The following TRHDE variants were observed in gnomAD, a reference collection of about 807,000 sequenced individuals.
TRHDE encodes thyrotropin releasing hormone degrading enzyme.
Under a neutral mutation model 125.7 loss-of-function variants are expected in TRHDE, and 72 were observed. The observed-to-expected ratio is 0.57, with a 90% CI of 0.47 to 0.70. The LOEUF is 0.70. Among genes scored for constraint, TRHDE ranks in the 30% least tolerant of loss-of-function variants. The pLI, the probability that TRHDE is intolerant of heterozygous loss-of-function variation, is 0.00. For missense variants in TRHDE, 1,110 were observed against 1,327.1 expected, an observed-to-expected ratio of 0.84 and a Z score of 2.54; for synonymous variants, 509 against 509.1, an observed-to-expected ratio of 1.00 and a Z score of 0.00.
intron 2 of TRHDE, among the ~76,000 whole-genome samples, chr12:72,154,155 C>G (rs1269953584): frequency 6.6e-6 from 1 of 152,034 alleles, no homozygotes; most frequent in Non-Finnish European, 1.5e-5. Flanking sequence ...ATGTAATGGC[C>G]TTCTTTGTCT....
intron 2 of TRHDE, among the ~76,000 whole-genome samples, chr12:72,203,467 C>CA (rs1444771332): frequency 1.0e-4 from 15 of 149,182 alleles, no homozygotes; most frequent in South Asian, 6.4e-4. Context: ...GACTCTGTCT[C>CA]AAAAAAAATA....
At position 72,272,624 on chromosome 12, in the gene TRHDE, G is replaced by T. The variant is rs1373169678; in HGVS notation, c.-20G>T. 5 of 885,548 alleles carry T rather than the reference G, an allele frequency of 5.6e-6. No homozygotes were observed. The highest frequency in any genetic ancestry group is 6.5e-6 in the Non-Finnish European group (4 of 611,996). The allele number at this position is 885,548 out of a possible 1,614,324, so 54.9% of individuals were successfully genotyped here. A position where few individuals can be genotyped will look rare whatever the true frequency, so the allele number is the denominator to read the frequency against. ...GCGGGGGGTGCCAGAGGGGGCGGGG[G>T]AGGAGGAGGAGGCGGTGTGATGGCC... is the stretch of plus-strand genomic sequence containing the variant. On this transcript the variant is annotated 5_prime_UTR_variant, in exon 1 of 19. The change creates a premature stop within an existing upstream ORF in the 5' untranslated region. Coordinates refer to ENST00000261180, the MANE Select transcript of TRHDE (RefSeq NM_013381.3). The surrounding 1 kb of genome is among the most constrained non-coding windows in gnomAD (Gnocchi z 6.7).
In TRHDE at chr12:72,663,400, G is replaced by A. The variant is rs1175731362; in HGVS notation, c.*205G>A. On this transcript the variant is annotated 3_prime_UTR_variant, in exon 19 of 19. Transcript: ENST00000261180. Reference sequence around the variant, plus strand: ...TCATTCTGTTCTGTTTCTCTACTGGGTGTTCCTCTCTAAAGAAACTCTTGC... The same window carrying A: ...TCATTCTGTTCTGTTTCTCTACTGGATGTTCCTCTCTAAAGAAACTCTTGC... 1.3e-5 allele frequency: 5 copies of A among 399,872 alleles called. No individual in the cohort carries two copies. Among genetic ancestry groups the A allele is most frequent in the Non-Finnish European group, 2.2e-5 (5 of 225,980 alleles). The allele number at this position is 399,872 out of a possible 1,614,324, so 24.8% of individuals were successfully genotyped here.
intron 2 of TRHDE, among the ~76,000 whole-genome samples, chr12:72,117,127 C>T (rs1224527462): frequency 6.6e-6 from 1 of 151,822 alleles, no homozygotes; most frequent in African/African-American, 2.4e-5. Flanking sequence ...CATTGGTTGC[C>T]TGTGCTTGTA....
chr12:72,636,728 T>C (rs1450479019), intron 15 of TRHDE, among the ~76,000 whole-genome samples: 1 of 152,258 alleles, frequency 6.6e-6, no homozygotes, highest in Non-Finnish European at 1.5e-5. Context: ...TGTTGAATTT[T>C]GTCAAAGGCC....
rs560512511 is a variant in TRHDE at position 72,486,476 on chromosome 12, A to G, written c.1585-13022A>G. ...AAGGATCCCTAAAGCCCTTGCACTA[A>G]TAACCTATGCAGCCACCATCACTTC... On this transcript the variant is annotated intron_variant, in intron 5 of 18. Coordinates refer to ENST00000261180, the MANE Select transcript of TRHDE (RefSeq NM_013381.3). Among the ~76,000 whole-genome samples, 450 of 152,304 alleles carry G rather than the reference A, an allele frequency of 3.0e-3. 2 individuals carry two copies. Among genetic ancestry groups the G allele is most frequent in the Non-Finnish European group, 4.9e-3 (332 of 68,022 alleles).
At chr12:72,597,758 T>TAC (rs1565804834) in intron 12 of TRHDE, among the ~76,000 whole-genome samples, 899 of 20,188 alleles carry the variant, frequency 0.045, 30 homozygotes, top group Non-Finnish European at 0.046. Context: ...TATATATATA[T>TAC]GCATACACAC....
intron 3 of TRHDE, among the ~76,000 whole-genome samples, chr12:72,446,140 T>C (rs944402586): frequency 6.8e-6 from 1 of 146,654 alleles, no homozygotes; most frequent in Non-Finnish European, 1.5e-5. Flanking sequence ...TGGGGCCCGA[T>C]TGTGCATTTC....
chr12:72,305,788 AGAG>A (rs1345904297), intron 2 of TRHDE, among the ~76,000 whole-genome samples: 5 of 152,326 alleles, frequency 3.3e-5, no homozygotes, highest in African/African-American at 9.6e-5. Flanking sequence ...CAGTCTGAAA[AGAG>A]GAGATCATTT....
chr12:72,195,470 G>T (rs1353880351), intron 2 of TRHDE, among the ~76,000 whole-genome samples: 4 of 151,986 alleles, frequency 2.6e-5, no homozygotes, highest in African/African-American at 9.7e-5. Flanking sequence ...GTATCTCATT[G>T]TGGTTTTGCT....
intron 10 of TRHDE, among the ~76,000 whole-genome samples, chr12:72,574,909 G>C (rs10506658): frequency 0.27 from 40,442 of 151,928 alleles, 8,118 homozygotes; most frequent in African/African-American, 0.54. Flanking sequence ...TCATTCTAGT[G>C]TCATATCCCC....
At chr12:72,224,878 T>A (rs1878092980) in intron 2 of TRHDE, among the ~76,000 whole-genome samples, 2 of 152,172 alleles carry the variant, frequency 1.3e-5, no homozygotes, top group African/African-American at 4.8e-5. Flanking sequence ...ACATTTTAAA[T>A]AATCTTAACC....
rs1873949913 is a variant in TRHDE at position 72,421,459 on chromosome 12, TA to T, written c.1315+43340del. 3.3e-5 allele frequency among the ~76,000 whole-genome samples: 5 copies of T among 152,290 alleles called. No homozygotes were observed. In the South Asian group the frequency reaches 1.0e-3, roughly 32 times the overall value. On this transcript the variant is annotated intron_variant, in intron 3 of 18. Coordinates refer to ENST00000261180, the MANE Select transcript of TRHDE (RefSeq NM_013381.3). ...ACAGCATGGCAACTAGTTCTATAGGTAATGGCCAGAGAAGAAGCACAGAGAA... is the reference window on the plus strand; with the variant it reads ...ACAGCATGGCAACTAGTTCTATAGGTATGGCCAGAGAAGAAGCACAGAGAA...
intron 2 of TRHDE, among the ~76,000 whole-genome samples, chr12:72,149,251 G>A (rs1010388180): frequency 6.6e-6 from 1 of 152,232 alleles, no homozygotes; most frequent in Admixed American, 6.5e-5. Context: ...GGTATGTGAT[G>A]CGTACTAAGT....
intron 6 of TRHDE, among the ~76,000 whole-genome samples, chr12:72,520,245 T>G (rs1231530418): frequency 1.3e-5 from 2 of 152,232 alleles, no homozygotes; most frequent in African/African-American, 4.8e-5. Flanking sequence ...CCAGTCTCGC[T>G]GCTGCCTTGC....
At chr12:72,454,330 GCTGT>G (rs745446706) in intron 3 of TRHDE, among the ~76,000 whole-genome samples, 19 of 152,124 alleles carry the variant, frequency 1.2e-4, no homozygotes, top group African/African-American at 3.9e-4. Flanking sequence ...ATCTTTTTAA[GCTGT>G]CTATTTATTT....
At chr12:72,517,380 C>T (rs544966164) in intron 6 of TRHDE, among the ~76,000 whole-genome samples, 3 of 151,804 alleles carry the variant, frequency 2.0e-5, no homozygotes, top group Non-Finnish European at 4.4e-5. Context: ...TGGGAGAGTG[C>T]ATGTGTCGAG....
intron 2 of TRHDE, among the ~76,000 whole-genome samples, chr12:72,338,658 T>G (rs565038321): frequency 1.3e-5 from 2 of 152,266 alleles, no homozygotes; most frequent in South Asian, 2.1e-4. Flanking sequence ...TAAAGCCCTG[T>G]GCAAACAATG....
chr12:72,639,760 C>T (rs1419467308), intron 15 of TRHDE, among the ~76,000 whole-genome samples: 3 of 152,164 alleles, frequency 2.0e-5, no homozygotes, highest in East Asian at 1.9e-4. Flanking sequence ...AGTACCCGGC[C>T]GTGTGAGGTG....
Sources: allele counts gnomAD v4.1 joint callset (sites outside exome capture counted in the v4.1 genomes callset), GRCh38; gene constraint gnomAD v4.1.1; non-coding constraint Gnocchi (gnomAD v3.1); transcripts MANE v1.5; gene names NCBI Gene and HGNC (gene_info 2026-07-23, HGNC 2026-07-21).